The following STK39 variants were observed in gnomAD, a reference collection of about 807,000 sequenced individuals.
STK39 encodes serine/threonine kinase 39, also known as STE20/SPS1-related proline-alanine-rich protein kinase.
Under a neutral mutation model 77.8 loss-of-function variants are expected in STK39, and 20 were observed. The ratio of observed to expected loss-of-function variants is 0.26; its 90% CI spans 0.18 to 0.37. The LOEUF is 0.37. STK39 is among the 10% of genes least tolerant of loss of function. The pLI is 1.00. For synonymous variants in STK39, 246 were observed against 234.1 expected (o/e 1.05, Z -0.47); for missense variants, 479 against 656.5 (o/e 0.73, Z 2.95).
At chr2:168,089,126 AG>A (rs1686448874) in intron 10 of STK39, among the ~76,000 whole-genome samples, 1 of 152,184 alleles carries the variant, frequency 6.6e-6, no homozygotes, top group Non-Finnish European at 1.5e-5. Flanking sequence ...GGAGAAAGTG[AG>A]GAAGACGGAG....
intron 16 of STK39, among the ~76,000 whole-genome samples, chr2:168,011,297 T>C (rs1379683649): frequency 1.3e-5 from 2 of 152,112 alleles, no homozygotes; most frequent in African/African-American, 4.8e-5. Context: ...AGACCCTGTC[T>C]CAAAAAAAAC....
intron 16 of STK39, among the ~76,000 whole-genome samples, chr2:167,988,788 T>G (rs1683624837): frequency 6.6e-6 from 1 of 152,162 alleles, no homozygotes; most frequent in African/African-American, 2.4e-5. Flanking sequence ...AAAAAATGAC[T>G]GTATTTGAGT....
intron 16 of STK39, among the ~76,000 whole-genome samples, chr2:167,966,155 T>C (rs1336298446): frequency 6.6e-6 from 1 of 152,170 alleles, no homozygotes; most frequent in African/African-American, 2.4e-5. Context: ...CACACACATA[T>C]CGGGTACACC....
At chr2:168,091,121 C>T (rs143655182) in intron 10 of STK39, among the ~76,000 whole-genome samples, 16 of 150,274 alleles carry the variant, frequency 1.1e-4, no homozygotes, top group African/African-American at 3.9e-4. Flanking sequence ...GCAGAGACTT[C>T]AGATGTGAGG....
chr2:168,116,936 G>A (rs911455077), intron 10 of STK39, among the ~76,000 whole-genome samples: 2 of 152,162 alleles, frequency 1.3e-5, no homozygotes, highest in Non-Finnish European at 2.9e-5. Context: ...AGCTATTTTT[G>A]GAATATCTTC....
At chr2:168,217,914 G>A (rs956855607) in intron 1 of STK39, among the ~76,000 whole-genome samples, 5 of 152,118 alleles carry the variant, frequency 3.3e-5, no homozygotes, top group African/African-American at 1.2e-4. Context: ...CTATGGAGGG[G>A]AGGAAGAAAA....
intron 14 of STK39, among the ~76,000 whole-genome samples, chr2:168,037,166 G>C (rs1012395100): frequency 1.3e-5 from 2 of 152,154 alleles, no homozygotes; most frequent in Non-Finnish European, 2.9e-5. Context: ...AGGTCTTTCT[G>C]TGCCCTCCCT....
chr2:167,970,412 A>G (rs1396203058), intron 16 of STK39, among the ~76,000 whole-genome samples: 1 of 152,178 alleles, frequency 6.6e-6, no homozygotes, highest in Non-Finnish European at 1.5e-5. Context: ...AGTGCCCAGC[A>G]CAATGTCTAG....
intron 14 of STK39, among the ~76,000 whole-genome samples, chr2:168,032,992 T>C (rs1433626651): frequency 6.6e-6 from 1 of 152,146 alleles, no homozygotes; most frequent in African/African-American, 2.4e-5. Context: ...TTTTGGCAAA[T>C]ACACAGAATT....
intron 2 of STK39, among the ~76,000 whole-genome samples, chr2:168,167,778 C>G (rs548167090): frequency 6.6e-6 from 1 of 152,166 alleles, no homozygotes; most frequent in African/African-American, 2.4e-5. Context: ...GGGTGAGTTA[C>G]TAGGACACCT....
At chr2:167,970,015 G>C (rs916061765) in intron 16 of STK39, among the ~76,000 whole-genome samples, 1 of 152,132 alleles carries the variant, frequency 6.6e-6, no homozygotes, top group African/African-American at 2.4e-5. Context: ...GGAGCATTCA[G>C]GGCAGGGGCT....
At chr2:168,001,269 C>CAAAAAAAAA (rs111793533) in intron 16 of STK39, among the ~76,000 whole-genome samples, 2 of 108,548 alleles carry the variant, frequency 1.8e-5, no homozygotes, top group Non-Finnish European at 2.1e-5. Context: ...GGAAACACAT[C>CAAAAAAAAA]AAAAAAAAAA....
chr2:168,213,779 T>A (rs145955617), intron 1 of STK39, among the ~76,000 whole-genome samples: 5 of 152,226 alleles, frequency 3.3e-5, no homozygotes, highest in African/African-American at 1.2e-4. Flanking sequence ...AATGTTTATA[T>A]GTTTTTAGCT....
At chr2:168,129,047 T>A (rs1687614846) in intron 10 of STK39, among the ~76,000 whole-genome samples, 1 of 152,210 alleles carries the variant, frequency 6.6e-6, no homozygotes, top group South Asian at 2.1e-4. Context: ...GGAAGATTGT[T>A]CAGCTAATCA....
At chr2:168,147,245 T>C (rs1210061077) in intron 5 of STK39, among the ~76,000 whole-genome samples, 2 of 152,206 alleles carry the variant, frequency 1.3e-5, no homozygotes, top group East Asian at 1.9e-4. Context: ...TCCCAGTTGT[T>C]GTTTTTTTCT....
At chr2:168,071,897 A>C (rs1685951741) in intron 12 of STK39, among the ~76,000 whole-genome samples, 1 of 151,918 alleles carries the variant, frequency 6.6e-6, no homozygotes, top group African/African-American at 2.4e-5. Flanking sequence ...ATTCAAAATC[A>C]GCAGACACAT....
intron 1 of STK39, among the ~76,000 whole-genome samples, chr2:168,193,924 T>C (rs182896760): frequency 6.6e-5 from 10 of 152,168 alleles, no homozygotes; most frequent in Admixed American, 3.9e-4. Flanking sequence ...ACCCACCTCC[T>C]AATAAGGGAA....
At chr2:168,081,686 G>A (rs1001863057) in intron 10 of STK39, among the ~76,000 whole-genome samples, 6 of 152,184 alleles carry the variant, frequency 3.9e-5, no homozygotes, top group African/African-American at 1.2e-4. Context: ...GGCTGTGTCC[G>A]CACCCAAATC....
At chr2:167,991,242 A>G (rs1055482218) in intron 16 of STK39, among the ~76,000 whole-genome samples, 8 of 152,304 alleles carry the variant, frequency 5.3e-5, no homozygotes, top group Admixed American at 5.2e-4. Context: ...GGTCATGATA[A>G]ACATCTAAAT....
Sources: allele counts gnomAD v4.1 joint callset (sites outside exome capture counted in the v4.1 genomes callset), GRCh38; gene constraint gnomAD v4.1.1; transcripts MANE v1.5; gene names NCBI Gene and HGNC (gene_info 2026-07-23, HGNC 2026-07-21).